SH3PXD2A: variants seen among roughly 807,000 people sequenced by gnomAD.
SH3PXD2A encodes SH3 and PX domains 2A, also known as SH3 and PX domain-containing protein 2A.
Under a neutral mutation model 115.2 loss-of-function variants are expected in SH3PXD2A, and 32 were observed. That is an observed-to-expected ratio of 0.28 (90% CI 0.21 to 0.37). The LOEUF is 0.37. Ranked by LOEUF, SH3PXD2A falls within the 10% of genes least tolerant of loss-of-function variation. The pLI is 1.00. For missense variants in SH3PXD2A, 1,328 were observed against 1,498.7 expected (o/e 0.89, Z 1.88); for synonymous variants, 610 against 629.1 (o/e 0.97, Z 0.45).
At chr10:103,842,247 T>G (rs60605609) in intron 1 of SH3PXD2A, among the ~76,000 whole-genome samples, 132,129 of 151,688 alleles carry the variant, frequency 0.87, 58,694 homozygotes, top group East Asian at 0.99. Flanking sequence ...TTTTGACCTA[T>G]TTTGTTATTG....
intron 5 of SH3PXD2A, among the ~76,000 whole-genome samples, chr10:103,711,511 C>A (rs867353067): frequency 6.6e-6 from 1 of 152,186 alleles, no homozygotes; most frequent in Non-Finnish European, 1.5e-5. Flanking sequence ...TCACCCTGGG[C>A]GCCAACTCAG....
chr10:103,660,089 A>C (rs987340164), intron 8 of SH3PXD2A, among the ~76,000 whole-genome samples: 1 of 152,032 alleles, frequency 6.6e-6, no homozygotes, highest in African/African-American at 2.4e-5. Context: ...TATCCACCAA[A>C]CACCACTCAG....
chr10:103,790,214 G>A (rs1056314236), intron 2 of SH3PXD2A, among the ~76,000 whole-genome samples: 1 of 151,770 alleles, frequency 6.6e-6, no homozygotes, highest in Non-Finnish European at 1.5e-5. Context: ...GAGAGCAGTG[G>A]TGCGATCTCG....
chr10:103,668,661 TC>T lies in SH3PXD2A; in HGVS notation c.428-10del. ...CCAGCTGGACAGCCACACTTCCGAG[TC>T]CCCGAGAGCAAGCGGCAGCAGGAGA... On this transcript the variant is annotated splice_polypyrimidine_tract_variant and intron_variant, in intron 6 of 14. Coordinates refer to ENST00000369774, the MANE Select transcript of SH3PXD2A (RefSeq NM_001394015.1). The T allele has an allele frequency of 1.9e-6, 3 of 1,558,558 alleles. No individual in the cohort carries two copies. The highest frequency in any genetic ancestry group is 2.6e-6 in the Non-Finnish European group (3 of 1,151,372).
Position 103,602,980 on chromosome 10 carries a change from C to G in SH3PXD2A, c.2238G>C (p.Leu746=). The G allele has an allele frequency of 6.2e-7, 1 of 1,614,222 alleles. No individual in the cohort carries two copies. The highest frequency in any genetic ancestry group is 8.5e-7 in the Non-Finnish European group (1 of 1,180,050). The change falls in exon 15 of 15, where the codon CTG becomes CTC. Residue 746 remains leucine (L), a synonymous_variant. Transcript: ENST00000369774. The stretch of plus-strand genomic sequence containing the variant: ...ATGGCTTGGCCCGGGGACAGGAGGT[C>G]AGCCCAGCGTTCGCATCAGCATCCT... ...AKKDADANAG[L]TSCPRAKPSV...
At chr10:103,688,889 T>C (rs1299313510) in intron 6 of SH3PXD2A, among the ~76,000 whole-genome samples, 1 of 152,080 alleles carries the variant, frequency 6.6e-6, no homozygotes, top group African/African-American at 2.4e-5. Flanking sequence ...TATTTAGAGA[T>C]AGGGTCTCTC....
intron 1 of SH3PXD2A, among the ~76,000 whole-genome samples, chr10:103,827,932 C>T (rs1186807808): frequency 2.6e-5 from 4 of 152,188 alleles, no homozygotes; most frequent in East Asian, 3.9e-4. Flanking sequence ...TGAGAACAGT[C>T]GTGCCCCGCA....
At chr10:103,725,553 G>A (rs377471127) in intron 4 of SH3PXD2A, among the ~76,000 whole-genome samples, 10 of 152,154 alleles carry the variant, frequency 6.6e-5, no homozygotes, top group Non-Finnish European at 8.8e-5. Context: ...TAGGCCAGGC[G>A]TGGTGGCTCA....
chr10:103,706,241 G>A (rs938171738), intron 5 of SH3PXD2A, among the ~76,000 whole-genome samples: 5 of 152,202 alleles, frequency 3.3e-5, no homozygotes, highest in Non-Finnish European at 7.3e-5. Context: ...CAGCTGTCAA[G>A]CTTCCTGGGC....
intron 3 of SH3PXD2A, among the ~76,000 whole-genome samples, chr10:103,749,364 C>A (rs374120052): frequency 6.6e-5 from 10 of 152,224 alleles, no homozygotes; most frequent in African/African-American, 2.4e-4. Flanking sequence ...ACGCTTTGCC[C>A]ACCTTCTCTT....
chr10:103,615,760 A>T (rs2036509415), intron 11 of SH3PXD2A, among the ~76,000 whole-genome samples: 1 of 152,000 alleles, frequency 6.6e-6, no homozygotes, highest in Non-Finnish European at 1.5e-5. Flanking sequence ...AAAACAAAAA[A>T]ATAATAATAA....
At chr10:103,687,841 C>T (rs1323356566) in intron 6 of SH3PXD2A, among the ~76,000 whole-genome samples, 1 of 152,184 alleles carries the variant, frequency 6.6e-6, no homozygotes, top group Non-Finnish European at 1.5e-5. Context: ...CTTTACCCTC[C>T]ACTATTCTTC....
chr10:103,678,934 A>G (rs975477231), intron 6 of SH3PXD2A, among the ~76,000 whole-genome samples: 3 of 152,236 alleles, frequency 2.0e-5, no homozygotes, highest in Admixed American at 1.3e-4. Context: ...GCAATCTGCA[A>G]TAGCTCCTCT....
chr10:103,846,734 G>A (rs1294915316), intron 1 of SH3PXD2A, among the ~76,000 whole-genome samples: 1 of 152,316 alleles, frequency 6.6e-6, no homozygotes, highest in Non-Finnish European at 1.5e-5. Flanking sequence ...AAGATCTCAC[G>A]GCTTGAGGAG....
intron 11 of SH3PXD2A, among the ~76,000 whole-genome samples, chr10:103,613,458 C>T (rs989243757): frequency 6.6e-6 from 1 of 152,202 alleles, no homozygotes; most frequent in Non-Finnish European, 1.5e-5. Flanking sequence ...CAAAGTCAGG[C>T]AAATGTGGGA....
chr10:103,616,097 CTA>C (rs1203735231), intron 11 of SH3PXD2A, among the ~76,000 whole-genome samples: 1 of 152,108 alleles, frequency 6.6e-6, no homozygotes, highest in East Asian at 1.9e-4. Flanking sequence ...TCAGGTCAGA[CTA>C]AGGTGCAATC....
rs1048413152 is a variant in SH3PXD2A at position 103,728,788 on chromosome 10, T to C, written c.307-4427A>G. 2.6e-5 allele frequency among the ~76,000 whole-genome samples: 4 copies of C among 152,232 alleles called. No individual in the cohort carries two copies. In the South Asian group the frequency reaches 6.2e-4, roughly 24 times the overall value. On this transcript the variant is annotated intron_variant, in intron 4 of 14. Coordinates refer to ENST00000369774, the MANE Select transcript of SH3PXD2A (RefSeq NM_001394015.1). ...CAACTCTAAGAGGACAGTATGACTA[T>C]GATTTCAGTTTTACAGAAGAAGAAA... is the stretch of plus-strand genomic sequence containing the variant.
At chr10:103,797,348 T>C (rs2039101945) in intron 2 of SH3PXD2A, among the ~76,000 whole-genome samples, 1 of 152,138 alleles carries the variant, frequency 6.6e-6, no homozygotes, top group Non-Finnish European at 1.5e-5. Context: ...TGCACGGTCC[T>C]AAGGCTTCAG....
At chr10:103,795,898 G>A (rs990979343) in intron 2 of SH3PXD2A, among the ~76,000 whole-genome samples, 3 of 139,472 alleles carry the variant, frequency 2.2e-5, no homozygotes, top group Non-Finnish European at 3.1e-5. Context: ...GAGAGGGAGG[G>A]AGGAAAAGGA....
Sources: allele counts gnomAD v4.1 joint callset (sites outside exome capture counted in the v4.1 genomes callset), GRCh38; gene constraint gnomAD v4.1.1; transcripts MANE v1.5; gene names NCBI Gene and HGNC (gene_info 2026-07-23, HGNC 2026-07-21).